Variants in DOC2B observed in about 807,000 individuals in gnomAD.
DOC2B encodes double C2-like domain-containing protein beta.
A neutral mutation model predicts 28.9 loss-of-function variants in DOC2B; 21 were observed. That is an observed-to-expected ratio of 0.73 (90% CI 0.52 to 1.05). DOC2B has a LOEUF of 1.05. Among genes scored for constraint, DOC2B ranks in the 50% least tolerant of loss-of-function variants. The pLI is 0.00. For synonymous variants in DOC2B, 194 were observed against 178.1 expected (o/e 1.09, Z -0.71); for missense variants, 384 against 421.1 (o/e 0.91, Z 0.77).
intron 6 of DOC2B, 134 bp from the exon 7 acceptor site, chr17:149,326 T>C (rs2040047855): frequency 2.5e-6 from 1 of 397,556 alleles, no homozygotes; most frequent in East Asian, 3.6e-5. Flanking sequence ...AATCATTGGA[T>C]TTTCCCAACG....
chr17:149,431 C>A, intron 6 of DOC2B, among the ~76,000 whole-genome samples: 1 of 152,278 alleles, frequency 6.6e-6, no homozygotes, highest in Middle Eastern at 3.4e-3. Flanking sequence ...TGAAGTTAAC[C>A]CTGGGGGGCG....
chr17:179,867 A>C (rs2040417100), intron 1 of DOC2B, among the ~76,000 whole-genome samples: 1 of 152,260 alleles, frequency 6.6e-6, no homozygotes, highest in African/African-American at 2.4e-5. Context: ...AGTTTCCCCT[A>C]CAGGGGCCCT....
chr17:170,268 C>T (rs1359620921), intron 2 of DOC2B, among the ~76,000 whole-genome samples: 1 of 152,160 alleles, frequency 6.6e-6, no homozygotes, highest in Non-Finnish European at 1.5e-5. Flanking sequence ...TGAGTCATAG[C>T]ATGGGTGGTT....
At chr17:159,036 T>C (rs542224255) in intron 5 of DOC2B, among the ~76,000 whole-genome samples, 8 of 84,570 alleles carry the variant, frequency 9.5e-5, no homozygotes, top group African/African-American at 3.4e-4. Context: ...ATAGACTCCA[T>C]CTCATAAAAA....
At chr17:160,020 T>C (rs1483122245) in intron 5 of DOC2B, among the ~76,000 whole-genome samples, 1 of 150,566 alleles carries the variant, frequency 6.6e-6, no homozygotes, top group Non-Finnish European at 1.5e-5. Context: ...CTCTTGCTCT[T>C]GTCACCCAGG....
At chr17:158,118 A>C (rs1476199905) in intron 5 of DOC2B, among the ~76,000 whole-genome samples, 1 of 152,136 alleles carries the variant, frequency 6.6e-6, no homozygotes, top group Non-Finnish European at 1.5e-5. Flanking sequence ...AGCAGCTGCC[A>C]GTGCCTGCCT....
At chr17:154,019 T>C (rs964952450) in intron 6 of DOC2B, among the ~76,000 whole-genome samples, 8 of 152,176 alleles carry the variant, frequency 5.3e-5, no homozygotes, top group African/African-American at 1.9e-4. Flanking sequence ...GGACACGTCA[T>C]AGAAATAGAG....
In DOC2B at chr17:143,188, C is replaced by A. The variant is rs2039996161; in HGVS notation, c.*4253G>T. On this transcript the variant is annotated 3_prime_UTR_variant, in exon 9 of 9. Coordinates refer to ENST00000613549, the MANE Select transcript of DOC2B (RefSeq NM_003585.5). Reference sequence around the variant, plus strand: ...GTGTGATTCTGTAAAAGTATTTTAACCTCTCTGGGCCTTAGTTTCCCCATC... The same window carrying A: ...GTGTGATTCTGTAAAAGTATTTTAAACTCTCTGGGCCTTAGTTTCCCCATC... 6.6e-6 allele frequency: 1 copy of A among 152,148 alleles called. No individual in the cohort carries two copies. The highest frequency in any genetic ancestry group is 1.5e-5 in the Non-Finnish European group (1 of 68,044). 9.4% of individuals were successfully genotyped at this position (152,148 alleles called of 1,614,324 possible).
At chr17:177,918 G>A (rs185931093) in intron 1 of DOC2B, among the ~76,000 whole-genome samples, 11 of 152,376 alleles carry the variant, frequency 7.2e-5, no homozygotes, top group Admixed American at 3.3e-4. Flanking sequence ...GTCCTGACCC[G>A]GTCCTGGGTG....
Position 143,912 on chromosome 17 carries a change from G to A in DOC2B, c.*3529C>T, listed in dbSNP as rs2040000764. On this transcript the variant is annotated 3_prime_UTR_variant, in exon 9 of 9. Coordinates refer to ENST00000613549, the MANE Select transcript of DOC2B (RefSeq NM_003585.5). ...GACGACAGCCAGAGTCCATGCATCG[G>A]GAGGTTCACTCGGTTTGCGAAGGAA... The A allele has an allele frequency of 6.6e-6, 1 of 152,200 alleles. No homozygotes were observed. Among genetic ancestry groups the A allele is most frequent in the South Asian group, 2.1e-4 (1 of 4,858 alleles). 9.4% of individuals were successfully genotyped at this position (152,200 alleles called of 1,614,324 possible).
In DOC2B at chr17:156,264, C is replaced by G; in HGVS notation, c.879G>C (p.Leu293=). The change falls in exon 6 of 9, where the codon CTG becomes CTC. Residue 293 remains leucine, a synonymous_variant. Transcript: ENST00000613549. ...AGTAGCCGTTGGCGTCCATGGCGGC[C>G]AGGTGGGCGCACCGCACGATGCCTA... is the stretch of plus-strand genomic sequence containing the variant. ...LLVGIVRCAH[L]AAMDANGYSD... The G allele has an allele frequency of 6.4e-6, 10 of 1,551,672 alleles. No homozygotes were observed. Among genetic ancestry groups the G allele is most frequent in the Non-Finnish European group, 7.0e-6 (8 of 1,147,088 alleles).
At chr17:159,675 G>C (rs564853069) in intron 5 of DOC2B, among the ~76,000 whole-genome samples, 2 of 152,128 alleles carry the variant, frequency 1.3e-5, no homozygotes, top group East Asian at 3.9e-4. Context: ...ACTGTCAGGG[G>C]TGCATCCCCA....
intron 6 of DOC2B, among the ~76,000 whole-genome samples, chr17:154,358 A>G (rs1241780632): frequency 6.7e-6 from 1 of 149,218 alleles, no homozygotes; most frequent in Non-Finnish European, 1.5e-5. Context: ...CTTAGGGCTG[A>G]TATTCCACGC....
chr17:181,623 C>T lies in DOC2B; in HGVS notation c.-144G>A. 4.6e-6 allele frequency: 1 copy of T among 215,978 alleles called. No individual in the cohort carries two copies. The highest frequency in any genetic ancestry group is 1.6e-4 in the South Asian group (1 of 6,116). 13.4% of individuals were successfully genotyped at this position (215,978 alleles called of 1,614,324 possible). On this transcript the variant is annotated 5_prime_UTR_variant, in exon 1 of 9. Transcript: ENST00000613549. This position sits in a 1 kb window ranked among gnomAD's most constrained non-coding sequence, Gnocchi z 7.0. Reference sequence around the variant, plus strand: ...GGACGGCCCTGACTTGGCCGCTGCCCGCTCCGCTGCGGACGGCGCGAGCGA... The same window carrying T: ...GGACGGCCCTGACTTGGCCGCTGCCTGCTCCGCTGCGGACGGCGCGAGCGA...
At chr17:173,417 G>A (rs911147818) in intron 1 of DOC2B, among the ~76,000 whole-genome samples, 2 of 152,190 alleles carry the variant, frequency 1.3e-5, no homozygotes, top group Admixed American at 6.5e-5. Context: ...ACAGCAAGAT[G>A]CACATTCACA....
intron 6 of DOC2B, among the ~76,000 whole-genome samples, chr17:152,099 G>A (rs1222720457): frequency 6.6e-6 from 1 of 152,086 alleles, no homozygotes; most frequent in African/African-American, 2.4e-5. Context: ...GAGCCGCCCT[G>A]TGCCGTGTAC....
chr17:179,851 G>C (rs951622653), intron 1 of DOC2B, among the ~76,000 whole-genome samples: 1 of 152,284 alleles, frequency 6.6e-6, no homozygotes, highest in East Asian at 1.9e-4. Context: ...AAAGTGCAAA[G>C]CAGGCAGTTT....
At position 177,538 on chromosome 17, in the gene DOC2B, T is replaced by C. The variant is rs552279531; in HGVS notation, c.373+3569A>G. On this transcript the variant is annotated intron_variant, in intron 1 of 8. Transcript: ENST00000613549. ...CCCACCTCCTCCCTCCTCCCAGTCT[T>C]AGGGCTGAGCCCTCTCTGTGAGTGA... Among the ~76,000 whole-genome samples the C allele has an allele frequency of 1.8e-4, 27 of 152,340 alleles. No individual in the cohort carries two copies. In the South Asian group the frequency reaches 5.6e-3, roughly 32 times the overall value.
intron 8 of DOC2B, 116 bp downstream of exon 8, chr17:148,057 G>T: frequency 2.5e-6 from 1 of 397,050 alleles, no homozygotes; most frequent in South Asian, 1.4e-4. Flanking sequence ...TGAGGCCCCT[G>T]ACCTAGGGGC....
Sources: gnomAD v4.1 joint callset for allele counts (sites outside exome capture counted in the v4.1 genomes callset) on GRCh38, gnomAD v4.1.1 for gene constraint, Gnocchi (gnomAD v3.1) non-coding constraint, MANE v1.5 for transcripts, NCBI Gene and HGNC (gene_info 2026-07-23, HGNC 2026-07-21) for gene names.